NUBPL: variants seen among roughly 807,000 people sequenced by gnomAD.
NUBPL encodes the protein iron-sulfur cluster transfer protein NUBPL.
NUBPL carries 31 observed loss-of-function variants against 45.7 expected under a neutral mutation model. The ratio of observed to expected loss-of-function variants is 0.68; its 90% confidence interval spans 0.51 to 0.92. The LOEUF (loss-of-function observed/expected upper bound fraction) is 0.92, where lower values mean the gene tolerates loss of function less well. Among genes scored for constraint, NUBPL ranks in the 40% least tolerant of loss-of-function variants. NUBPL has a pLI of 0.00. For missense variants in NUBPL, 401 were observed against 398.7 expected (o/e 1.01, Z -0.05); for synonymous variants, 144 against 140.9 (o/e 1.02, Z -0.15).
At chr14:31,604,096 A>G (rs2034518472) in intron 4 of NUBPL, among the ~76,000 whole-genome samples, 1 of 151,840 alleles carries the variant, frequency 6.6e-6, no homozygotes, top group Admixed American at 6.6e-5. Flanking sequence ...TGAAGCTATA[A>G]TCTTAAATTT....
At chr14:31,782,393 TCAAA>T (rs1039962596) in intron 6 of NUBPL, among the ~76,000 whole-genome samples, 5 of 151,718 alleles carry the variant, frequency 3.3e-5, no homozygotes, top group Admixed American at 6.6e-5. Context: ...AGACTCTGTC[TCAAA>T]CAAACAAACA....
rs1020593452 is a variant in NUBPL, at chr14:31,645,735, G to A, written c.383-27620G>A. Among the ~76,000 whole-genome samples, 10 of 145,210 alleles carry A rather than the reference G, an allele frequency of 6.9e-5. No homozygotes were observed. The Admixed American group carries it at 6.9e-4, about 10-fold the overall frequency. On this transcript the variant is annotated intron_variant, in intron 4 of 10. Coordinates refer to ENST00000281081, the MANE Select transcript of NUBPL (RefSeq NM_025152.3). ...TGGGTCAGATCACAAAGAAATAATA[G>A]AAACAAATAAAGAATTTTTTAAAAC...
intron 4 of NUBPL, among the ~76,000 whole-genome samples, chr14:31,653,916 G>C (rs572709379): frequency 6.6e-6 from 1 of 152,308 alleles, no homozygotes; most frequent in South Asian, 2.1e-4. Flanking sequence ...GGCTCCAGCT[G>C]GTTCCTCTGT....
At chr14:31,576,223 A>C (rs1191928649) in intron 3 of NUBPL, among the ~76,000 whole-genome samples, 1 of 152,150 alleles carries the variant, frequency 6.6e-6, no homozygotes, top group Non-Finnish European at 1.5e-5. Context: ...TCTGATTGGC[A>C]TGGGGGATAC....
intron 10 of NUBPL, among the ~76,000 whole-genome samples, chr14:31,853,806 A>G (rs976375420): frequency 6.6e-6 from 1 of 152,150 alleles, no homozygotes; most frequent in Non-Finnish European, 1.5e-5. Flanking sequence ...CAAAGAAAAC[A>G]ATAGAGGAGG....
At chr14:31,761,175 T>C (rs2138727645) in intron 6 of NUBPL, among the ~76,000 whole-genome samples, 1 of 152,062 alleles carries the variant, frequency 6.6e-6, no homozygotes, top group African/African-American at 2.4e-5. Context: ...TTTAAGAAGA[T>C]AACACTTCTG....
intron 10 of NUBPL, among the ~76,000 whole-genome samples, 159 bp from the exon 11 acceptor site, chr14:31,858,959 C>T (rs1293101940): frequency 2.6e-5 from 4 of 152,190 alleles, no homozygotes; most frequent in Non-Finnish European, 4.4e-5. Context: ...CCTTGTGCCG[C>T]CTGCAATATA....
At chr14:31,753,303 G>A (rs770605366) in intron 6 of NUBPL, among the ~76,000 whole-genome samples, 6 of 152,130 alleles carry the variant, frequency 3.9e-5, no homozygotes, top group Non-Finnish European at 8.8e-5. Flanking sequence ...AGATCTGGGA[G>A]GTGTATGCAG....
At chr14:31,638,903 A>C (rs1421026523) in intron 4 of NUBPL, among the ~76,000 whole-genome samples, 1 of 152,014 alleles carries the variant, frequency 6.6e-6, no homozygotes, top group Non-Finnish European at 1.5e-5. Flanking sequence ...TGCATTCTTC[A>C]CGTAGTTCTT....
chr14:31,663,230 G>A (rs1161377894), intron 4 of NUBPL, among the ~76,000 whole-genome samples: 1 of 152,134 alleles, frequency 6.6e-6, no homozygotes, highest in East Asian at 1.9e-4. Flanking sequence ...CTGTGTAGAA[G>A]CTCTTTAGTT....
intron 8 of NUBPL, chr14:31,845,815 C>G (rs990982239): frequency 1.3e-5 from 2 of 153,352 alleles, no homozygotes; most frequent in Admixed American, 1.3e-4. Flanking sequence ...CCAAAGTTAC[C>G]TCTTAGGTAT....
At chr14:31,742,893 C>G (rs1595569051) in intron 6 of NUBPL, among the ~76,000 whole-genome samples, 1 of 152,224 alleles carries the variant, frequency 6.6e-6, no homozygotes, top group East Asian at 1.9e-4. Flanking sequence ...AGGCGTGAGC[C>G]ACCGTGCCTG....
intron 4 of NUBPL, among the ~76,000 whole-genome samples, chr14:31,650,699 T>G (rs1444529773): frequency 6.6e-6 from 1 of 152,236 alleles, no homozygotes; most frequent in Non-Finnish European, 1.5e-5. Context: ...CGGCTTTAAA[T>G]TATTAACACT....
chr14:31,611,422 G>A lies in NUBPL; in HGVS notation c.382+12043G>A, dbSNP rs932374297. ...AACACTGATGCAAATAACTGAATGG[G>A]ACACACAAAAAATGGAAAGATTTTC... On this transcript the variant is annotated intron_variant, in intron 4 of 10. Coordinates refer to ENST00000281081, the MANE Select transcript of NUBPL (RefSeq NM_025152.3). Among the ~76,000 whole-genome samples, 3 of 152,060 alleles carry A rather than the reference G, an allele frequency of 2.0e-5. No homozygotes were observed. In the East Asian group the frequency reaches 5.8e-4, roughly 29 times the overall value.
At chr14:31,800,733 A>G (rs1021280790) in intron 7 of NUBPL, 5 of 152,226 alleles carry the variant, frequency 3.3e-5, no homozygotes, top group Admixed American at 1.3e-4. Context: ...AGTGCTGTGT[A>G]TGATATCTGA....
At chr14:31,834,653 C>T (rs1431951233) in intron 8 of NUBPL, among the ~76,000 whole-genome samples, 2 of 152,154 alleles carry the variant, frequency 1.3e-5, no homozygotes, top group African/African-American at 4.8e-5. Flanking sequence ...CAGGCTCTCT[C>T]AGAAGTCTAT....
chr14:31,584,347 A>G (rs764608409), intron 3 of NUBPL, among the ~76,000 whole-genome samples: 5 of 151,952 alleles, frequency 3.3e-5, no homozygotes, highest in Admixed American at 2.0e-4. Flanking sequence ...CTGGTCTTTA[A>G]CTCTTGGGCT....
intron 4 of NUBPL, among the ~76,000 whole-genome samples, chr14:31,632,176 T>A (rs2035362210): frequency 1.3e-5 from 2 of 152,140 alleles, no homozygotes; most frequent in African/African-American, 2.4e-5. Flanking sequence ...GTGGGAGAAG[T>A]GTAGGGAAAC....
intron 6 of NUBPL, among the ~76,000 whole-genome samples, chr14:31,748,073 G>C (rs184242314): frequency 6.6e-6 from 1 of 152,028 alleles, no homozygotes. Context: ...TCATTCAGGG[G>C]CATGCTGTTT....
Sources: allele counts gnomAD v4.1 joint callset (sites outside exome capture counted in the v4.1 genomes callset), GRCh38; gene constraint gnomAD v4.1.1; transcripts MANE v1.5; gene names NCBI Gene and HGNC (gene_info 2026-07-23, HGNC 2026-07-21).